Variants in BDH2 observed in about 807,000 individuals in gnomAD.
The protein encoded by BDH2 is dehydrogenase/reductase SDR family member 6.
Under a neutral mutation model 33.2 loss-of-function variants are expected in BDH2, and 24 were observed. The ratio of observed to expected loss-of-function variants is 0.72; its 90% CI spans 0.52 to 1.02. The LOEUF is 1.02. Ranked by LOEUF, BDH2 falls within the 50% of genes least tolerant of loss-of-function variation. The pLI, the probability that BDH2 is intolerant of heterozygous loss-of-function variation, is 0.00. For missense variants in BDH2, 249 were observed against 301.6 expected, an observed-to-expected ratio of 0.83 and a Z score of 1.29; for synonymous variants, 81 against 101.6, an observed-to-expected ratio of 0.80 and a Z score of 1.22.
chr4:103,085,848 T>A lies in BDH2; in HGVS notation c.419-386A>T, dbSNP rs1357268682. The A allele has an allele frequency of 3.2e-6, 4 of 1,247,424 alleles. No individual in the cohort carries two copies. The African/African-American group carries it at 6.3e-5, about 20-fold the overall frequency. 77.3% of individuals were successfully genotyped at this position (1,247,424 alleles called of 1,614,324 possible). On this transcript the variant is annotated intron_variant, in intron 6 of 9. Coordinates refer to ENST00000296424, the MANE Select transcript of BDH2 (RefSeq NM_020139.4). Reference sequence around the variant, plus strand: ...TCCTCTCTTGTGTATGTTGAATATGTGTATCCTTGCAAAGAGAAGAAATGG... The same window carrying A: ...TCCTCTCTTGTGTATGTTGAATATGAGTATCCTTGCAAAGAGAAGAAATGG...
chr4:103,099,310 G>A (rs1190733411), intron 1 of BDH2: 4 of 152,054 alleles, frequency 2.6e-5, no homozygotes, highest in African/African-American at 7.2e-5. Flanking sequence ...GTCTTTCTGG[G>A]ACCAGATTTT....
intron 9 of BDH2, 79 bp from the exon 10 acceptor site, chr4:103,079,834 G>A: frequency 7.5e-7 from 1 of 1,332,854 alleles, no homozygotes; most frequent in Non-Finnish European, 1.1e-6. Flanking sequence ...CCTGTGACTA[G>A]GATAACTAAA....
intron 3 of BDH2, among the ~76,000 whole-genome samples, chr4:103,092,921 C>A (rs1416952140): frequency 6.6e-6 from 1 of 152,144 alleles, no homozygotes; most frequent in African/African-American, 2.4e-5. Context: ...CCTCTCTGTC[C>A]ATTTTCCAAG....
intron 3 of BDH2, among the ~76,000 whole-genome samples, chr4:103,094,886 A>AGTGAAAAGCTGTC (rs759285782): frequency 5.3e-5 from 8 of 152,304 alleles, no homozygotes; most frequent in Non-Finnish European, 1.0e-4. Flanking sequence ...AGGGCACAGA[A>AGTGAAAAGCTGTC]GTGAAAAGCT....
chr4:103,079,229 C>T lies in BDH2; in HGVS notation c.*473G>A, dbSNP rs1578496286. Reference sequence around the variant, plus strand: ...CCTTATAAAAAGACACATGAGCGCTCGCTTTTTTTCTCTGCTCTTGCTATG... The same window carrying T: ...CCTTATAAAAAGACACATGAGCGCTTGCTTTTTTTCTCTGCTCTTGCTATG... On this transcript the variant is annotated 3_prime_UTR_variant, in exon 10 of 10. Transcript: ENST00000296424. Among the ~76,000 whole-genome samples, 1 of 152,074 alleles carries T rather than the reference C, an allele frequency of 6.6e-6. No homozygotes were observed. Among genetic ancestry groups the T allele is most frequent in the African/African-American group, 2.4e-5 (1 of 41,412 alleles).
chr4:103,080,530 C>T (rs1008655384), intron 9 of BDH2, among the ~76,000 whole-genome samples: 1 of 151,898 alleles, frequency 6.6e-6, no homozygotes, highest in African/African-American at 2.4e-5. Context: ...GTAAGGATAT[C>T]ATAATGAATA....
chr4:103,096,404 A>G, intron 1 of BDH2, 130 bp from the exon 2 acceptor site: 1 of 555,096 alleles, frequency 1.8e-6, no homozygotes, highest in Non-Finnish European at 3.2e-6. Context: ...ACTTGAAGAC[A>G]GCACCTCTGT....
intron 1 of BDH2, among the ~76,000 whole-genome samples, chr4:103,097,961 T>C (rs1398973637): frequency 6.6e-6 from 1 of 152,216 alleles, no homozygotes; most frequent in Non-Finnish European, 1.5e-5. Flanking sequence ...ACTTTTTTTT[T>C]TTTATACCCA....
intron 9 of BDH2, among the ~76,000 whole-genome samples, chr4:103,081,009 A>T (rs1472997305): frequency 6.6e-6 from 1 of 152,224 alleles, no homozygotes; most frequent in East Asian, 1.9e-4. Flanking sequence ...GGTGTGCACC[A>T]AGTTACTGGG....
chr4:103,079,657 G>A lies in BDH2; in HGVS notation c.*45C>T, dbSNP rs1303868481. The A allele has an allele frequency of 6.3e-7, 1 of 1,576,852 alleles. No individual in the cohort carries two copies. The highest frequency in any genetic ancestry group is 1.1e-5 in the South Asian group (1 of 90,228). On this transcript the variant is annotated 3_prime_UTR_variant, in exon 10 of 10. Coordinates refer to ENST00000296424, the MANE Select transcript of BDH2 (RefSeq NM_020139.4). Reference sequence around the variant, plus strand: ...TTTTCTTCGTAACCAGGTTCACTGTGGATAGGAAGGGCCTGCCTTCCTTCC... The same window carrying A: ...TTTTCTTCGTAACCAGGTTCACTGTAGATAGGAAGGGCCTGCCTTCCTTCC...
chr4:103,096,409 C>A, intron 1 of BDH2, 135 bp from the exon 2 acceptor site: 1 of 543,504 alleles, frequency 1.8e-6, no homozygotes, highest in Non-Finnish European at 3.3e-6. Flanking sequence ...AAGACAGCAC[C>A]TCTGTGCAAG....
At chr4:103,090,375 A>T (rs1339400963) in intron 5 of BDH2, among the ~76,000 whole-genome samples, 1 of 152,224 alleles carries the variant, frequency 6.6e-6, no homozygotes. Flanking sequence ...TGAGAATTCA[A>T]GGAGGAATGC....
chr4:103,092,441 T>C (rs1361371261), intron 4 of BDH2, 159 bp downstream of exon 4: 1 of 623,580 alleles, frequency 1.6e-6, no homozygotes, highest in Non-Finnish European at 2.8e-6. Flanking sequence ...CCTGCTGAAT[T>C]TTATGTGTAA....
chr4:103,086,657 A>C, intron 5 of BDH2, 117 bp from the exon 6 acceptor site: 1 of 1,288,078 alleles, frequency 7.8e-7, no homozygotes, highest in Non-Finnish European at 1.1e-6. Context: ...TTACTGTATT[A>C]GCTAGTCACA....
At chr4:103,081,513 C>G (rs1249428656) in intron 9 of BDH2, among the ~76,000 whole-genome samples, 3 of 152,146 alleles carry the variant, frequency 2.0e-5, no homozygotes, top group Admixed American at 2.0e-4. Flanking sequence ...TCAGGCTGGT[C>G]TCAAACTCCT....
chr4:103,077,973 G>A lies in BDH2; in HGVS notation c.*1729C>T, dbSNP rs1185161588. Among the ~76,000 whole-genome samples the A allele has an allele frequency of 6.6e-6, 1 of 152,138 alleles. No homozygotes were observed. Among genetic ancestry groups the A allele is most frequent in the Non-Finnish European group, 1.5e-5 (1 of 68,028 alleles). On this transcript the variant is annotated 3_prime_UTR_variant, in exon 10 of 10. Coordinates refer to ENST00000296424, the MANE Select transcript of BDH2 (RefSeq NM_020139.4). ...TGAATGCTAGTCAAAATGTCCTTTT[G>A]TGTGAATTTTAATGTACCGTCATCA...
At position 103,082,088 on chromosome 4, in the gene BDH2, G is replaced by C. The variant is rs779379650; in HGVS notation, c.677C>G (p.Ser226Cys). The C allele has an allele frequency of 6.2e-7, 1 of 1,613,880 alleles. No homozygotes were observed. The highest frequency in any genetic ancestry group is 8.5e-7 in the Non-Finnish European group (1 of 1,179,764). The change falls in exon 9 of 10, where the codon TCT becomes TGT. Residue 226 changes from serine to cysteine, a missense_variant. Ser to Cys is a moderately radical substitution (Grantham distance 112). Transcript: ENST00000296424. Reference protein sequence around the residue: ...EIAMLCVYLASDESAYVTGNP... With the variant: ...EIAMLCVYLACDESAYVTGNP... ...GGGAAGAATAGTGCTTACTTCATCA[G>C]AAGCCAAATACACGCAGAGCATGGC...
intron 1 of BDH2, 149 bp from the exon 2 acceptor site, chr4:103,096,423 T>C: frequency 1.9e-6 from 1 of 515,536 alleles, no homozygotes; most frequent in Non-Finnish European, 3.5e-6. Flanking sequence ...GTGCAAGTAG[T>C]CCCATCATCT....
chr4:103,083,162 T>C (rs910191949), intron 7 of BDH2, among the ~76,000 whole-genome samples: 1 of 152,246 alleles, frequency 6.6e-6, no homozygotes, highest in Non-Finnish European at 1.5e-5. Flanking sequence ...ATGTAGGGAC[T>C]CTGGATGAAT....
Sources: allele counts gnomAD v4.1 joint callset (sites outside exome capture counted in the v4.1 genomes callset), GRCh38; gene constraint gnomAD v4.1.1; transcripts MANE v1.5; gene names NCBI Gene and HGNC (gene_info 2026-07-23, HGNC 2026-07-21).